The following PNPLA1 variants were observed in gnomAD, a reference collection of about 807,000 sequenced individuals.
PNPLA1 encodes the protein patatin like domain 1, omega-hydroxyceramide transacylase.
A neutral mutation model predicts 51.7 loss-of-function variants in PNPLA1; 36 were observed. The ratio of observed to expected loss-of-function variants is 0.70; its 90% CI spans 0.53 to 0.92. The LOEUF is 0.92. Ranked by LOEUF, PNPLA1 falls within the 40% of genes least tolerant of loss-of-function variation. PNPLA1 has a pLI of 0.00. For missense variants in PNPLA1, 658 were observed against 682.5 expected (o/e 0.96, Z 0.40); for synonymous variants, 293 against 280.1 (o/e 1.05, Z -0.46).
chr6:36,300,729 T>G (rs142321547), intron 5 of PNPLA1, among the ~76,000 whole-genome samples: 157 of 152,302 alleles, frequency 1.0e-3, no homozygotes, highest in African/African-American at 3.6e-3. Flanking sequence ...TTCTCCATTG[T>G]GAAGTACTCT....
At chr6:36,267,212 C>T (rs1178502776), upstream of PNPLA1, among the ~76,000 whole-genome samples, 4 of 152,186 alleles carry the variant, frequency 2.6e-5, no homozygotes, top group Non-Finnish European at 5.9e-5. Flanking sequence ...GATTCTTCCT[C>T]GATGTCATTC....
At position 36,294,795 on chromosome 6, in the gene PNPLA1, G is replaced by A. The variant is rs1224778748; in HGVS notation, c.714+396G>A. 6.6e-6 allele frequency among the ~76,000 whole-genome samples: 1 copy of A among 152,028 alleles called. No homozygotes were observed. Among genetic ancestry groups the A allele is most frequent in the Non-Finnish European group, 1.5e-5 (1 of 67,992 alleles). ...GGTTTTCCATTTTTAGAGAGTTATG[G>A]GGGAAAGAAAAAAAGAAGAAAAAGA... On this transcript the variant is annotated intron_variant, in intron 4 of 8. Transcript: ENST00000636260. The surrounding 1 kb of genome is among the most constrained non-coding windows in gnomAD (Gnocchi z 4.2).
chr6:36,294,128 G>A lies in PNPLA1; in HGVS notation c.505-62G>A, dbSNP rs759183996. On this transcript the variant is annotated intron_variant, in intron 3 of 8. Coordinates refer to ENST00000636260, the MANE Select transcript of PNPLA1 (RefSeq NM_001374623.1). The surrounding 1 kb of genome is among the most constrained non-coding windows in gnomAD (Gnocchi z 4.2). ...GCCATATCCCATGGGCCATTTCGAT[G>A]TACCCCGAGTGGGGCTGAGAACTCT... The A allele has an allele frequency of 8.2e-6, 13 of 1,583,848 alleles. No individual in the cohort carries two copies. Among genetic ancestry groups the A allele is most frequent in the South Asian group, 1.1e-5 (1 of 88,024 alleles).
intron 5 of PNPLA1, among the ~76,000 whole-genome samples, chr6:36,297,829 C>T (rs1770904835): frequency 6.6e-6 from 1 of 151,540 alleles, no homozygotes; most frequent in South Asian, 2.1e-4. Flanking sequence ...CTCCCTTCTT[C>T]CCTCTCACAG....
At chr6:36,293,760 C>A (rs1326237936) in intron 3 of PNPLA1, among the ~76,000 whole-genome samples, 3 of 152,172 alleles carry the variant, frequency 2.0e-5, no homozygotes, top group African/African-American at 7.2e-5. Context: ...AGAGTTAGAG[C>A]CTCAGTATTT....
chr6:36,290,767 A>G (rs547076180), intron 1 of PNPLA1, among the ~76,000 whole-genome samples: 2 of 152,278 alleles, frequency 1.3e-5, no homozygotes, highest in East Asian at 3.9e-4. Flanking sequence ...AAGATGATGC[A>G]ATGGTTTCAA....
At chr6:36,287,476 T>G (rs1770531016) in intron 1 of PNPLA1, among the ~76,000 whole-genome samples, 1 of 152,026 alleles carries the variant, frequency 6.6e-6, no homozygotes, top group Admixed American at 6.5e-5. Context: ...CTTGCTGTGG[T>G]TAGTGTGGGA....
At chr6:36,252,722 A>T (rs1769450131) in intron 1 of PNPLA1, among the ~76,000 whole-genome samples, 1 of 152,176 alleles carries the variant, frequency 6.6e-6, no homozygotes, top group South Asian at 2.1e-4. Context: ...GACATGAAGC[A>T]TGGCTGAGCT....
chr6:36,306,551 G>T (rs1771243335), intron 7 of PNPLA1, among the ~76,000 whole-genome samples, 175 bp downstream of exon 7: 1 of 152,200 alleles, frequency 6.6e-6, no homozygotes, highest in Non-Finnish European at 1.5e-5. Context: ...GCCTTCTCTT[G>T]TTCAGTTAGG....
At chr6:36,260,429 T>G (rs1380029149) in intron 1 of PNPLA1, among the ~76,000 whole-genome samples, 4 of 152,242 alleles carry the variant, frequency 2.6e-5, no homozygotes, top group African/African-American at 4.8e-5. Flanking sequence ...TATTTTACTT[T>G]TACTTTGCTA....
At chr6:36,311,539 G>C (rs1460899885) in intron 8 of PNPLA1, among the ~76,000 whole-genome samples, 1 of 152,134 alleles carries the variant, frequency 6.6e-6, no homozygotes, top group Admixed American at 6.5e-5. Context: ...CAGAATGATA[G>C]ATTTGAAAAT....
chr6:36,299,136 A>G (rs932179741), intron 5 of PNPLA1, among the ~76,000 whole-genome samples: 2 of 152,140 alleles, frequency 1.3e-5, no homozygotes, highest in African/African-American at 2.4e-5. Context: ...GCTATTGTGG[A>G]TAATGCTGCA....
intron 5 of PNPLA1, among the ~76,000 whole-genome samples, chr6:36,299,163 C>T (rs1189492862): frequency 6.6e-6 from 1 of 152,180 alleles, no homozygotes; most frequent in Non-Finnish European, 1.5e-5. Context: ...ATGGATGTCT[C>T]TTCCAGATCC....
intron 6 of PNPLA1, among the ~76,000 whole-genome samples, chr6:36,303,261 A>AT (rs879410516): frequency 8.6e-5 from 13 of 151,958 alleles, no homozygotes; most frequent in Non-Finnish European, 1.3e-4. Flanking sequence ...CGCCTGGCTA[A>AT]TTTTTTGTAT....
At chr6:36,253,051 G>A (rs961571051) in intron 1 of PNPLA1, among the ~76,000 whole-genome samples, 2 of 152,134 alleles carry the variant, frequency 1.3e-5, no homozygotes, top group African/African-American at 2.4e-5. Context: ...GTGGTGGCAT[G>A]CACCTGTAGT....
intron 1 of PNPLA1, among the ~76,000 whole-genome samples, chr6:36,273,728 CAAAAAAA>C (rs57186870): frequency 2.1e-5 from 1 of 48,208 alleles, no homozygotes; most frequent in South Asian, 1.5e-3. Context: ...GACCCCATCG[CAAAAAAA>C]AAAAAAAAAA....
chr6:36,295,878 G>A (rs1426259388), intron 5 of PNPLA1, among the ~76,000 whole-genome samples: 1 of 152,202 alleles, frequency 6.6e-6, no homozygotes, highest in East Asian at 1.9e-4. Context: ...GCAAATCACA[G>A]AGAAGAGCCC....
chr6:36,272,688 A>G (rs1769955674), intron 1 of PNPLA1, among the ~76,000 whole-genome samples: 1 of 152,140 alleles, frequency 6.6e-6, no homozygotes, highest in Non-Finnish European at 1.5e-5. Context: ...GTGCTTTGAA[A>G]GTAGAGCCAG....
chr6:36,270,370 G>T lies in PNPLA1; in HGVS notation c.-90G>T. 1 of 1,343,254 alleles carries T rather than the reference G, an allele frequency of 7.4e-7. No homozygotes were observed. Among genetic ancestry groups the T allele is most frequent in the Non-Finnish European group, 1.0e-6 (1 of 966,896 alleles). The allele number at this position is 1,343,254 out of a possible 1,614,324, so 83.2% of individuals were successfully genotyped here. A position where few individuals can be genotyped will look rare whatever the true frequency, so the allele number is the denominator to read the frequency against. On this transcript the variant is annotated 5_prime_UTR_variant, in exon 1 of 9. Transcript: ENST00000636260. ...CCGGGGTGGCAGGGAAGCTGGGTAG[G>T]GAGTTCCTACAGGGAGCGGCAGCCC... is the stretch of plus-strand genomic sequence containing the variant.
Sources: allele counts gnomAD v4.1 joint callset (sites outside exome capture counted in the v4.1 genomes callset), GRCh38; gene constraint gnomAD v4.1.1; non-coding constraint Gnocchi (gnomAD v3.1); transcripts MANE v1.5; gene names NCBI Gene and HGNC (gene_info 2026-07-23, HGNC 2026-07-21).